Variants in DZIP3 observed in about 807,000 individuals in gnomAD.
DZIP3 encodes the protein DAZ interacting zinc finger protein 3.
In DZIP3, 118 loss-of-function variants were observed where a neutral mutation model predicts 162.0. That is an observed-to-expected ratio of 0.73 (90% CI 0.63 to 0.85). DZIP3 has a LOEUF of 0.85. DZIP3 is among the 40% of genes least tolerant of loss of function. DZIP3 has a pLI of 0.00. For missense variants in DZIP3, 1,331 were observed against 1,407.0 expected, an observed-to-expected ratio of 0.95 and a Z score of 0.86; for synonymous variants, 438 against 458.6, an observed-to-expected ratio of 0.96 and a Z score of 0.57.
At chr3:108,634,253 A>G (rs1942036547) in intron 9 of DZIP3, among the ~76,000 whole-genome samples, 1 of 152,124 alleles carries the variant, frequency 6.6e-6, no homozygotes, top group Non-Finnish European at 1.5e-5. Flanking sequence ...ATATGGTCCT[A>G]AGGTTTCTCA....
intron 8 of DZIP3, among the ~76,000 whole-genome samples, chr3:108,629,519 A>G (rs1240323516): frequency 6.6e-6 from 1 of 152,172 alleles, no homozygotes; most frequent in Non-Finnish European, 1.5e-5. Context: ...TTCAGAAAAC[A>G]TGGAAAATAT....
At position 108,625,989 on chromosome 3, in the gene DZIP3, G is replaced by A; in HGVS notation, c.581+20G>A. On this transcript the variant is annotated intron_variant, in intron 7 of 32. Transcript: ENST00000361582. ...AAAGAGGTAAGGATTTTAATTAACGGGTAGATGTTGCCTGTGAAGTCTCAG... is the reference window on the plus strand; with the variant it reads ...AAAGAGGTAAGGATTTTAATTAACGAGTAGATGTTGCCTGTGAAGTCTCAG... 1 of 1,606,498 alleles carries A rather than the reference G, an allele frequency of 6.2e-7. No homozygotes were observed. Among genetic ancestry groups the A allele is most frequent in the Non-Finnish European group, 8.5e-7 (1 of 1,176,562 alleles).
chr3:108,605,441 A>G lies in DZIP3; in HGVS notation c.32+3A>G. On this transcript the variant is annotated splice_donor_region_variant and intron_variant, in intron 2 of 32. Transcript: ENST00000361582. ...CTACCAGATGAATTTTTTGTGAGGTAAGGCCACAGTCCCCAACCTTTTTGG... is the reference window on the plus strand; with the variant it reads ...CTACCAGATGAATTTTTTGTGAGGTGAGGCCACAGTCCCCAACCTTTTTGG... 6.2e-7 allele frequency: 1 copy of G among 1,613,208 alleles called. No homozygotes were observed. Among genetic ancestry groups the G allele is most frequent in the Non-Finnish European group, 8.5e-7 (1 of 1,179,600 alleles).
chr3:108,599,675 A>G (rs1225832202), intron 1 of DZIP3, among the ~76,000 whole-genome samples: 3 of 152,058 alleles, frequency 2.0e-5, no homozygotes, highest in Non-Finnish European at 1.5e-5. Flanking sequence ...CCCCAATGTG[A>G]TAGTATTAGG....
chr3:108,610,364 T>G (rs1940634853), intron 3 of DZIP3, among the ~76,000 whole-genome samples: 1 of 152,158 alleles, frequency 6.6e-6, no homozygotes, highest in Non-Finnish European at 1.5e-5. Flanking sequence ...GGCAATGACC[T>G]AGGGGAGAGA....
At chr3:108,639,080 G>T (rs912051897) in intron 12 of DZIP3, among the ~76,000 whole-genome samples, 1 of 152,164 alleles carries the variant, frequency 6.6e-6, no homozygotes, top group Non-Finnish European at 1.5e-5. Context: ...GGAATACTCT[G>T]CTCCTTTGTC....
rs892046227 is a variant in DZIP3 at position 108,616,436 on chromosome 3, A to G, written c.259-105A>G. ...TTTTTTTTAAACCGTCTTTATCTCT[A>G]TTTTTAAAATTTTCTCCAATGAGCA... is the stretch of plus-strand genomic sequence containing the variant. On this transcript the variant is annotated intron_variant, in intron 4 of 32. Transcript: ENST00000361582. The G allele has an allele frequency of 1.3e-5, 10 of 743,978 alleles. No individual in the cohort carries two copies. The African/African-American group carries it at 1.5e-4, about 11-fold the overall frequency. 46.1% of individuals were successfully genotyped at this position (743,978 alleles called of 1,614,324 possible).
intron 6 of DZIP3, 36 bp downstream of exon 6, chr3:108,624,560 T>C (rs768338179): frequency 2.4e-6 from 3 of 1,232,142 alleles, no homozygotes; most frequent in Non-Finnish European, 3.4e-6. Context: ...ATAAATCTTT[T>C]TACATCTTGG....
rs534767457 is a variant in DZIP3, at chr3:108,606,301, A to G, written c.32+863A>G. On this transcript the variant is annotated intron_variant, in intron 2 of 32. Transcript: ENST00000361582. ...GCCCACCTCTACCTCATATAATACTAAACAGGGTCGTATTGGAGATCTCCC... is the reference window on the plus strand; with the variant it reads ...GCCCACCTCTACCTCATATAATACTGAACAGGGTCGTATTGGAGATCTCCC... Among the ~76,000 whole-genome samples, 5 of 152,284 alleles carry G rather than the reference A, an allele frequency of 3.3e-5. No individual in the cohort carries two copies. In the South Asian group the frequency reaches 6.2e-4, roughly 19 times the overall value.
At chr3:108,621,764 C>A (rs976326902) in intron 5 of DZIP3, among the ~76,000 whole-genome samples, 5 of 151,980 alleles carry the variant, frequency 3.3e-5, no homozygotes, top group Non-Finnish European at 5.9e-5. Context: ...TGGGATATAC[C>A]CAAAAGAAAG....
chr3:108,593,098 A>G (rs1939519732), intron 1 of DZIP3, among the ~76,000 whole-genome samples: 1 of 152,252 alleles, frequency 6.6e-6, no homozygotes, highest in Admixed American at 6.5e-5. Context: ...GCCAAAAATT[A>G]TCCAGTTTTC....
intron 21 of DZIP3, among the ~76,000 whole-genome samples, chr3:108,664,870 C>T (rs1054029799): frequency 2.6e-5 from 4 of 152,184 alleles, no homozygotes; most frequent in Non-Finnish European, 1.5e-5. Flanking sequence ...GGGAGGGGAG[C>T]TGAACTTGTA....
chr3:108,649,612 A>T (rs1942776957), intron 17 of DZIP3, among the ~76,000 whole-genome samples: 2 of 151,932 alleles, frequency 1.3e-5, no homozygotes, highest in African/African-American at 4.8e-5. Flanking sequence ...TAGCCTGAAA[A>T]ATATATTTAA....
intron 4 of DZIP3, 150 bp from the exon 5 acceptor site, chr3:108,616,391 A>G (rs1396163915): frequency 6.4e-6 from 3 of 470,962 alleles, no homozygotes; most frequent in Non-Finnish European, 1.1e-5. Flanking sequence ...AGAACAGTGT[A>G]TCTGGTTGGT....
chr3:108,644,054 T>C, intron 13 of DZIP3, 110 bp from the exon 14 acceptor site: 2 of 1,339,154 alleles, frequency 1.5e-6, no homozygotes, highest in Non-Finnish European at 2.0e-6. Context: ...CTATCCTTCA[T>C]TCTTTTGGAA....
intron 26 of DZIP3, among the ~76,000 whole-genome samples, chr3:108,682,609 G>C (rs1052836238): frequency 2.0e-5 from 3 of 150,722 alleles, no homozygotes; most frequent in African/African-American, 7.5e-5. Flanking sequence ...CCAGAGACTA[G>C]GGAGGATAGA....
intron 19 of DZIP3, among the ~76,000 whole-genome samples, chr3:108,660,326 A>G (rs1943360495): frequency 6.6e-6 from 1 of 152,220 alleles, no homozygotes; most frequent in Admixed American, 6.5e-5. Flanking sequence ...GCCCTCAGAA[A>G]TAATGCCACA....
At chr3:108,620,843 A>T (rs1576370174) in intron 5 of DZIP3, among the ~76,000 whole-genome samples, 1 of 152,268 alleles carries the variant, frequency 6.6e-6, no homozygotes, top group East Asian at 1.9e-4. Flanking sequence ...TTGTTTTGAG[A>T]TGGAGTCTCA....
intron 6 of DZIP3, 106 bp downstream of exon 6, chr3:108,624,630 T>C: frequency 1.8e-6 from 1 of 563,162 alleles, no homozygotes; most frequent in South Asian, 2.9e-5. Context: ...AAACTTAATA[T>C]TAGCTTATAA....
Sources: allele counts gnomAD v4.1 joint callset (sites outside exome capture counted in the v4.1 genomes callset), GRCh38; gene constraint gnomAD v4.1.1; transcripts MANE v1.5; gene names NCBI Gene and HGNC (gene_info 2026-07-23, HGNC 2026-07-21).